Variants in CSMD1 observed in about 807,000 individuals in gnomAD.
The protein encoded by CSMD1 is CUB and sushi domain-containing protein 1.
In CSMD1, 213 loss-of-function variants were observed where a neutral mutation model predicts 417.5. The ratio of observed to expected loss-of-function variants is 0.51; its 90% CI spans 0.46 to 0.57. CSMD1 has a LOEUF of 0.57. Ranked by LOEUF, CSMD1 falls within the 20% of genes least tolerant of loss-of-function variation. The pLI, the probability that CSMD1 is intolerant of heterozygous loss-of-function variation, is 0.00. For missense variants in CSMD1, 6,923 were observed against 4,529.7 expected, an observed-to-expected ratio of 1.53 and a Z score of -15.17; for synonymous variants, 2,862 against 1,736.8, an observed-to-expected ratio of 1.65 and a Z score of -16.11.
intron 3 of CSMD1, among the ~76,000 whole-genome samples, chr8:4,192,986 T>C (rs6989861): frequency 0.028 from 4,267 of 152,332 alleles, 216 homozygotes; most frequent in African/African-American, 0.097. Context: ...GTTTTGCAAA[T>C]CAAATGCAAT....
At chr8:4,036,382 T>C (rs1797619691) in intron 3 of CSMD1, among the ~76,000 whole-genome samples, 1 of 152,184 alleles carries the variant, frequency 6.6e-6, no homozygotes, top group Non-Finnish European at 1.5e-5. Flanking sequence ...GCAATGGTAT[T>C]TTCCAGCAGT....
intron 47 of CSMD1, among the ~76,000 whole-genome samples, chr8:3,095,145 A>G (rs867114171): frequency 6.6e-6 from 1 of 152,182 alleles, no homozygotes; most frequent in African/African-American, 2.4e-5. Context: ...GTATATTTCA[A>G]TTCAACTACT....
At chr8:3,893,457 C>A (rs890659457) in intron 5 of CSMD1, among the ~76,000 whole-genome samples, 3 of 150,102 alleles carry the variant, frequency 2.0e-5, no homozygotes, top group African/African-American at 7.3e-5. Flanking sequence ...AGTATGATAG[C>A]TTTTGCAAAG....
intron 26 of CSMD1, among the ~76,000 whole-genome samples, chr8:3,247,368 C>T (rs952464646): frequency 5.3e-5 from 8 of 152,252 alleles, no homozygotes; most frequent in African/African-American, 9.6e-5. Context: ...GCTCCTGAAC[C>T]GCTAGCAGTG....
At chr8:4,269,243 G>C (rs1804418229) in intron 3 of CSMD1, among the ~76,000 whole-genome samples, 2 of 152,104 alleles carry the variant, frequency 1.3e-5, no homozygotes, top group Admixed American at 6.6e-5. Flanking sequence ...ATTTAGCAGA[G>C]ATGAGGTTTC....
intron 41 of CSMD1, among the ~76,000 whole-genome samples, chr8:3,124,277 T>C (rs987262107): frequency 6.6e-6 from 1 of 152,160 alleles, no homozygotes; most frequent in African/African-American, 2.4e-5. Flanking sequence ...TAGAAATGCG[T>C]CTTACTCTGG....
Position 3,307,742 on chromosome 8 carries a change from G to C in CSMD1, c.3903C>G (p.Asn1301Lys), listed in dbSNP as rs1271998844. Residue 1301 changes from asparagine to lysine, a missense_variant, in exon 25 of 70, where the codon AAC (asparagine) becomes AAG (lysine). Physicochemically the swap from Asn to Lys is moderately conservative, Grantham distance 94. Transcript: ENST00000635120. ...CCTCTATAATCCAGGTGCAGTGGAG[G>C]TTGTTGTCATACGGAGCTGGATAGC... is the stretch of plus-strand genomic sequence containing the variant. ...SPGYPAPYDN[N>K]LHCTWIIEAD... The C allele has an allele frequency of 6.2e-7, 1 of 1,613,602 alleles. No individual in the cohort carries two copies. Among genetic ancestry groups the C allele is most frequent in the African/African-American group, 1.3e-5 (1 of 74,904 alleles).
At chr8:3,144,066 T>G (rs1040991515) in intron 40 of CSMD1, among the ~76,000 whole-genome samples, 1 of 152,204 alleles carries the variant, frequency 6.6e-6, no homozygotes, top group Non-Finnish European at 1.5e-5. Flanking sequence ...CCCTGCTTGG[T>G]GGGCATCACG....
rs183737929 is a variant in CSMD1 at position 3,420,764 on chromosome 8, T to A, written c.1562-11159A>T. 3.1e-4 allele frequency among the ~76,000 whole-genome samples: 47 copies of A among 152,196 alleles called. 1 individual carries two copies. Among genetic ancestry groups the A allele is most frequent in the African/African-American group, 1.1e-3 (46 of 41,454 alleles). On this transcript the variant is annotated intron_variant, in intron 12 of 69. Coordinates refer to ENST00000635120, the MANE Select transcript of CSMD1 (RefSeq NM_033225.6). ...GCATAGGTTATGGAATACTAAGACT[T>A]TGAACATTCTATTACTTTCACCATT...
chr8:3,214,393 C>T, intron 30 of CSMD1, 104 bp downstream of exon 30: 2 of 984,428 alleles, frequency 2.0e-6, no homozygotes, highest in South Asian at 1.8e-5. Context: ...ATCCTCACCA[C>T]CGATGAGAGG....
chr8:4,765,783 G>A (rs1812425103), intron 1 of CSMD1, among the ~76,000 whole-genome samples: 1 of 152,118 alleles, frequency 6.6e-6, no homozygotes, highest in African/African-American at 2.4e-5. Context: ...AATAGAGAGA[G>A]CCTGGGGGTT....
intron 64 of CSMD1, among the ~76,000 whole-genome samples, chr8:2,955,340 C>A (rs183071712): frequency 2.3e-4 from 35 of 152,310 alleles, no homozygotes; most frequent in Admixed American, 6.5e-4. Flanking sequence ...ATAATGCAAT[C>A]ATTTTATTAT....
intron 3 of CSMD1, among the ~76,000 whole-genome samples, chr8:4,181,905 G>C (rs1798397721): frequency 6.6e-6 from 1 of 151,904 alleles, no homozygotes; most frequent in Non-Finnish European, 1.5e-5. Flanking sequence ...TAACCACAAA[G>C]GCAGGACAAG....
chr8:3,381,197 T>G (rs140490549), intron 18 of CSMD1, among the ~76,000 whole-genome samples: 234 of 152,090 alleles, frequency 1.5e-3, no homozygotes, highest in Non-Finnish European at 1.3e-3. Flanking sequence ...TTTACAGGTA[T>G]GACTAAAATG....
At chr8:4,210,297 C>T (rs1470264154) in intron 3 of CSMD1, among the ~76,000 whole-genome samples, 1 of 152,332 alleles carries the variant, frequency 6.6e-6, no homozygotes, top group South Asian at 2.1e-4. Flanking sequence ...TCATCCTCTA[C>T]TGTTAGATTC....
intron 1 of CSMD1, among the ~76,000 whole-genome samples, chr8:4,854,316 G>A (rs930882117): frequency 7.2e-5 from 11 of 152,154 alleles, no homozygotes; most frequent in Non-Finnish European, 1.3e-4. Context: ...TGCCGAGGCA[G>A]ATCCCTCATA....
rs138286138 is a variant in CSMD1, at chr8:3,664,134, G to A, written c.1009+44280C>T. On this transcript the variant is annotated intron_variant, in intron 7 of 69. Transcript: ENST00000635120. ...GCCATGTTGGTTTGCTGCACCCATT[G>A]ACTCGTCATTTAACATTAGGTATTT... Among the ~76,000 whole-genome samples, 1,238 of 152,094 alleles carry A rather than the reference G, an allele frequency of 8.1e-3. 14 individuals carry two copies. Among genetic ancestry groups the A allele is most frequent in the African/African-American group, 0.028 (1,170 of 41,490 alleles).
rs181830114 is a variant in CSMD1, at chr8:3,287,997, G to C, written c.3951-3651C>G. ...GTCCCATCAATACCTTATTTATTGA[G>C]AGTTTTTAGCATGAAAGGTTGTTGA... On this transcript the variant is annotated intron_variant, in intron 25 of 69. Transcript: ENST00000635120. 2.0e-4 allele frequency among the ~76,000 whole-genome samples: 29 copies of C among 147,216 alleles called. 1 individual carries two copies. Among genetic ancestry groups the C allele is most frequent in the Admixed American group, 1.9e-3 (28 of 14,942 alleles).
At chr8:4,191,429 A>C (rs1799026414) in intron 3 of CSMD1, among the ~76,000 whole-genome samples, 1 of 151,746 alleles carries the variant, frequency 6.6e-6, no homozygotes, top group South Asian at 2.1e-4. Context: ...AACAAAACAA[A>C]AAACACAAAA....
Sources: gnomAD v4.1 joint callset for allele counts (sites outside exome capture counted in the v4.1 genomes callset) on GRCh38, gnomAD v4.1.1 for gene constraint, MANE v1.5 for transcripts, NCBI Gene and HGNC (gene_info 2026-07-23, HGNC 2026-07-21) for gene names.